The following ADAMTS18 variants were observed in gnomAD, a reference collection of about 807,000 sequenced individuals.
ADAMTS18 encodes the protein ADAM metallopeptidase with thrombospondin type 1 motif 18, also known as A disintegrin and metalloproteinase with thrombospondin motifs 18.
ADAMTS18 carries 157 observed loss-of-function variants against 165.9 expected under a neutral mutation model. That is an observed-to-expected ratio of 0.95 (90% CI 0.83 to 1.08). ADAMTS18 has a LOEUF of 1.08. Ranked by LOEUF, ADAMTS18 falls within the 50% of genes least tolerant of loss-of-function variation. The pLI is 0.00. For missense variants in ADAMTS18, 2,040 were observed against 1,534.0 expected (o/e 1.33, Z -5.51); for synonymous variants, 782 against 578.2 (o/e 1.35, Z -5.06).
chr16:77,302,917 A>G (rs1195595284), intron 16 of ADAMTS18, among the ~76,000 whole-genome samples: 1 of 152,232 alleles, frequency 6.6e-6, no homozygotes, highest in Admixed American at 6.5e-5. Context: ...TGATGATAAA[A>G]GTGTCACCAG....
At chr16:77,383,044 T>A (rs1032865678) in intron 3 of ADAMTS18, among the ~76,000 whole-genome samples, 1 of 152,218 alleles carries the variant, frequency 6.6e-6, no homozygotes, top group Non-Finnish European at 1.5e-5. Flanking sequence ...TGTGGCATTA[T>A]GCAGTTAAGA....
chr16:77,327,807 C>T (rs1309826164), intron 12 of ADAMTS18, among the ~76,000 whole-genome samples: 1 of 152,170 alleles, frequency 6.6e-6, no homozygotes, highest in Non-Finnish European at 1.5e-5. Context: ...TCTCCCATTT[C>T]CTAATACTCT....
chr16:77,392,080 C>T lies in ADAMTS18; in HGVS notation c.496-24357G>A, dbSNP rs184167785. On this transcript the variant is annotated intron_variant, in intron 3 of 22. Coordinates refer to ENST00000282849, the MANE Select transcript of ADAMTS18 (RefSeq NM_199355.4). ...AAAAATCGAACAACACCAAGACAAT[C>T]ATGTAATCAATTGCTGACCACACAG... Among the ~76,000 whole-genome samples, 213 of 152,318 alleles carry T rather than the reference C, an allele frequency of 1.4e-3. 1 individual carries two copies. The highest frequency in any genetic ancestry group is 4.9e-3 in the African/African-American group (205 of 41,580).
intron 13 of ADAMTS18, among the ~76,000 whole-genome samples, 178 bp downstream of exon 13, chr16:77,325,688 A>AC (rs1485956350): frequency 6.6e-6 from 1 of 152,076 alleles, no homozygotes; most frequent in Non-Finnish European, 1.5e-5. Context: ...GAAAAAAAAA[A>AC]AAACAACAGT....
chr16:77,341,496 GAAA>G, intron 11 of ADAMTS18, among the ~76,000 whole-genome samples: 1 of 148,698 alleles, frequency 6.7e-6, no homozygotes, highest in East Asian at 2.0e-4. Flanking sequence ...AGACAAAAAA[GAAA>G]AAAAAAATCT....
intron 3 of ADAMTS18, among the ~76,000 whole-genome samples, chr16:77,385,009 A>T (rs1164133969): frequency 6.6e-6 from 1 of 151,752 alleles, no homozygotes; most frequent in Non-Finnish European, 1.5e-5. Flanking sequence ...TCCCAGGTTC[A>T]AGCATTCTCC....
At chr16:77,422,892 G>A (rs1366548) in intron 3 of ADAMTS18, among the ~76,000 whole-genome samples, 82,729 of 152,024 alleles carry the variant, frequency 0.54, 23,866 homozygotes, top group Middle Eastern at 0.67. Context: ...CTTACATGGT[G>A]TGATGCATTC....
Position 77,420,002 on chromosome 16 carries a change from T to TAAAA in ADAMTS18, c.495+11289_495+11292dup, listed in dbSNP as rs34486248. ...AACAGTGTGAGACTCTGTCGCAGAT[T>TAAAA]AAAAAAAAAAAAAAAAAAAAAGACA... On this transcript the variant is annotated intron_variant, in intron 3 of 22. Transcript: ENST00000282849. Among the ~76,000 whole-genome samples the TAAAA allele has an allele frequency of 1.8e-3, 163 of 91,236 alleles. 7 individuals carry two copies. Among genetic ancestry groups the TAAAA allele is most frequent in the Middle Eastern group, 8.5e-3 (1 of 118 alleles). 59.9% of individuals were successfully genotyped at this position (91,236 alleles called of 152,430 possible).
intron 16 of ADAMTS18, among the ~76,000 whole-genome samples, chr16:77,313,942 A>T (rs2055832434): frequency 6.6e-6 from 1 of 152,204 alleles, no homozygotes; most frequent in African/African-American, 2.4e-5. Flanking sequence ...TTCAATTTCT[A>T]TGCCTTAGGT....
intron 17 of ADAMTS18, among the ~76,000 whole-genome samples, chr16:77,297,814 C>T (rs899258320): frequency 6.7e-6 from 1 of 148,702 alleles, no homozygotes; most frequent in African/African-American, 2.5e-5. Context: ...TTTGCCTTAA[C>T]ATGAAATATC....
intron 11 of ADAMTS18, among the ~76,000 whole-genome samples, chr16:77,341,194 A>T (rs2056392014): frequency 6.6e-6 from 1 of 152,196 alleles, no homozygotes; most frequent in South Asian, 2.1e-4. Flanking sequence ...GCTCACCAGC[A>T]AAAGGACCTT....
chr16:77,326,080 G>C, intron 12 of ADAMTS18, 42 bp from the exon 13 acceptor site: 2 of 1,581,902 alleles, frequency 1.3e-6, no homozygotes, highest in Admixed American at 1.7e-5. Flanking sequence ...GTAATCAAAG[G>C]GCTCATTATT....
At chr16:77,390,976 T>C (rs1352756183) in intron 3 of ADAMTS18, among the ~76,000 whole-genome samples, 1 of 152,206 alleles carries the variant, frequency 6.6e-6, no homozygotes, top group Non-Finnish European at 1.5e-5. Flanking sequence ...ATGTCGGTGA[T>C]GCTGCCATTT....
intron 2 of ADAMTS18, 150 bp from the exon 3 acceptor site, chr16:77,431,761 C>G: frequency 1.2e-6 from 1 of 847,972 alleles, no homozygotes; most frequent in South Asian, 1.4e-5. Context: ...CAGAGCAGCA[C>G]AGGCAGCAGA....
chr16:77,321,158 A>G lies in ADAMTS18; in HGVS notation c.2208T>C (p.Asp736=). The change falls in exon 15 of 23, where the codon GAT becomes GAC. Residue 736 remains aspartate (D), a synonymous_variant. Transcript: ENST00000282849. ...DHELGSKAVS[D]ACGVCKGDNS... is the part of the protein sequence containing the mutation. ...TATCACCTTTGCAAACGCCACAAGC[A>G]TCTGAAACTGCTTTAGAGCCTAGTT... The G allele has an allele frequency of 1.9e-6, 3 of 1,614,240 alleles. No homozygotes were observed. The highest frequency in any genetic ancestry group is 4.5e-5 in the East Asian group (2 of 44,886).
In ADAMTS18 at chr16:77,362,092, G is replaced by T; in HGVS notation, c.1216+13C>A. The T allele has an allele frequency of 6.2e-7, 1 of 1,613,868 alleles. No homozygotes were observed. The highest frequency in any genetic ancestry group is 8.5e-7 in the Non-Finnish European group (1 of 1,179,918). On this transcript the variant is annotated intron_variant, in intron 7 of 22. Transcript: ENST00000282849. ...GCTAACAGGTGTGTGTGAAGGATCT[G>T]TTCATACCATACCTAGAGTGTCACA...
intron 3 of ADAMTS18, among the ~76,000 whole-genome samples, chr16:77,377,376 G>A (rs915883933): frequency 2.6e-5 from 4 of 152,134 alleles, no homozygotes; most frequent in Admixed American, 6.5e-5. Flanking sequence ...CTATAAATAA[G>A]CTTCCTGAAG....
chr16:77,413,781 G>C (rs1051119508), intron 3 of ADAMTS18, among the ~76,000 whole-genome samples: 1 of 136,864 alleles, frequency 7.3e-6, no homozygotes, highest in Non-Finnish European at 1.6e-5. Flanking sequence ...CCATAAGGCT[G>C]ACACTTAATA....
intron 10 of ADAMTS18, among the ~76,000 whole-genome samples, chr16:77,348,040 A>T (rs1048132320): frequency 4.6e-5 from 7 of 152,132 alleles, no homozygotes; most frequent in Non-Finnish European, 1.0e-4. Flanking sequence ...TGGAAAGAGT[A>T]TCTTACCCTC....
Sources: allele counts gnomAD v4.1 joint callset (sites outside exome capture counted in the v4.1 genomes callset), GRCh38; gene constraint gnomAD v4.1.1; transcripts MANE v1.5; gene names NCBI Gene and HGNC (gene_info 2026-07-23, HGNC 2026-07-21).